CCDC149: variants seen among roughly 807,000 people sequenced by gnomAD.
CCDC149 encodes the protein coiled-coil domain containing 149.
In CCDC149, 45 loss-of-function variants were observed where a neutral mutation model predicts 59.9. That is an observed-to-expected ratio of 0.75 (90% CI 0.59 to 0.96). The LOEUF is 0.96. CCDC149 is among the 40% of genes least tolerant of loss of function. The pLI is 0.00. For synonymous variants in CCDC149, 245 were observed against 260.6 expected (o/e 0.94, Z 0.58); for missense variants, 584 against 664.7 (o/e 0.88, Z 1.33).
chr4:24,926,940 C>G (rs574124058), intron 1 of CCDC149, among the ~76,000 whole-genome samples: 9 of 152,294 alleles, frequency 5.9e-5, no homozygotes, highest in African/African-American at 2.2e-4. Context: ...AGTCACACTC[C>G]TTACAGGCAG....
In CCDC149 at chr4:24,819,821, C is replaced by T. The variant is rs1378988507; in HGVS notation, c.1192+38G>A. On this transcript the variant is annotated intron_variant, in intron 12 of 12. Transcript: ENST00000635206. The stretch of plus-strand genomic sequence containing the variant: ...TTGAGCCACTCCTCTGTGGCAGGCA[C>T]AGTCCAGGTAAAGATGGAGAAATCG... 9.1e-6 allele frequency: 13 copies of T among 1,427,458 alleles called. No individual in the cohort carries two copies. In the East Asian group the frequency reaches 2.2e-4, roughly 24 times the overall value. 88.4% of individuals were successfully genotyped at this position (1,427,458 alleles called of 1,614,324 possible). A position where few individuals can be genotyped will look rare whatever the true frequency, so the allele number is the denominator to read the frequency against.
intron 1 of CCDC149, among the ~76,000 whole-genome samples, chr4:24,963,296 TCCCCAC>T (rs57382370): frequency 0.17 from 26,501 of 151,890 alleles, 3,097 homozygotes; most frequent in African/African-American, 0.32. Flanking sequence ...GATCCTCCAC[TCCCCAC>T]CTGGCCAAAG....
chr4:24,871,592 A>T (rs1422430104), intron 3 of CCDC149, among the ~76,000 whole-genome samples: 1 of 152,174 alleles, frequency 6.6e-6, no homozygotes, highest in African/African-American at 2.4e-5. Context: ...AAAGTTATAT[A>T]TGAAAATAGC....
At chr4:24,934,613 T>C (rs1722687245) in intron 1 of CCDC149, among the ~76,000 whole-genome samples, 1 of 152,152 alleles carries the variant, frequency 6.6e-6, no homozygotes, top group Admixed American at 6.5e-5. Flanking sequence ...TAGTTATCTA[T>C]TACAAAGAGT....
At chr4:24,964,321 G>A (rs905524000) in intron 1 of CCDC149, among the ~76,000 whole-genome samples, 1 of 151,950 alleles carries the variant, frequency 6.6e-6, no homozygotes, top group African/African-American at 2.4e-5. Flanking sequence ...ATGAACCTAG[G>A]AACAGAATTT....
chr4:24,855,710 T>A (rs1026695169), intron 3 of CCDC149, among the ~76,000 whole-genome samples: 3 of 152,198 alleles, frequency 2.0e-5, no homozygotes, highest in Non-Finnish European at 4.4e-5. Flanking sequence ...CAGCCCCCTA[T>A]TTGCAAAGCT....
At chr4:24,877,729 G>A (rs543091360) in intron 1 of CCDC149, among the ~76,000 whole-genome samples, 4 of 152,126 alleles carry the variant, frequency 2.6e-5, no homozygotes, top group Non-Finnish European at 5.9e-5. Flanking sequence ...TCCCAAACAA[G>A]TTGAGTACAC....
At chr4:24,853,029 C>G (rs370806919) in intron 4 of CCDC149, 43 bp downstream of exon 4, 1 of 1,262,060 alleles carries the variant, frequency 7.9e-7, no homozygotes, top group Non-Finnish European at 1.2e-6. Context: ...CTCGAACGCA[C>G]AATGTTGCAG....
intron 1 of CCDC149, among the ~76,000 whole-genome samples, chr4:24,976,790 T>G (rs1724219413): frequency 6.6e-6 from 1 of 152,136 alleles, no homozygotes; most frequent in African/African-American, 2.4e-5. Context: ...TGAAGGATGT[T>G]CCCAGAAGTG....
At chr4:24,910,970 A>G (rs932716482) in intron 1 of CCDC149, among the ~76,000 whole-genome samples, 13 of 152,128 alleles carry the variant, frequency 8.5e-5, no homozygotes, top group African/African-American at 3.1e-4. Context: ...CACCTCCCCC[A>G]TGGCCCCTGG....
chr4:24,888,051 A>G (rs1169846400), intron 1 of CCDC149, among the ~76,000 whole-genome samples: 1 of 152,120 alleles, frequency 6.6e-6, no homozygotes, highest in Admixed American at 6.5e-5. Context: ...AGGCAGAGTG[A>G]GAGCCACGTG....
intron 5 of CCDC149, 42 bp downstream of exon 5, chr4:24,838,114 G>A (rs1716662700): frequency 2.8e-6 from 4 of 1,435,954 alleles, no homozygotes; most frequent in South Asian, 1.1e-5. Context: ...GTGTCCAGCT[G>A]TGCAAATGCA....
chr4:24,950,673 T>G (rs939688547), intron 1 of CCDC149, among the ~76,000 whole-genome samples: 1 of 152,258 alleles, frequency 6.6e-6, no homozygotes, highest in African/African-American at 2.4e-5. Flanking sequence ...TTATCGTACT[T>G]ACCCCTTAGG....
intron 4 of CCDC149, among the ~76,000 whole-genome samples, chr4:24,840,579 C>T (rs950262869): frequency 6.6e-6 from 1 of 152,056 alleles, no homozygotes; most frequent in African/African-American, 2.4e-5. Context: ...AACAAATGTC[C>T]TTTTCATGAT....
chr4:24,803,704 C>T (rs962444935), downstream of CCDC149, among the ~76,000 whole-genome samples: 1 of 152,246 alleles, frequency 6.6e-6, no homozygotes, highest in African/African-American at 2.4e-5. The surrounding 1 kb of genome is among the most constrained non-coding windows in gnomAD (Gnocchi z 4.3). Context: ...TAGGCTACCA[C>T]TGGCCTCTGC....
chr4:24,889,604 C>A (rs1024809302), intron 1 of CCDC149, among the ~76,000 whole-genome samples: 1 of 152,206 alleles, frequency 6.6e-6, no homozygotes, highest in African/African-American at 2.4e-5. Context: ...GCATCACCAA[C>A]CCTCACATAT....
At chr4:24,864,555 A>AC (rs1423883910) in intron 3 of CCDC149, among the ~76,000 whole-genome samples, 2 of 151,458 alleles carry the variant, frequency 1.3e-5, no homozygotes, top group Non-Finnish European at 2.9e-5. Context: ...ATCCTTGAAA[A>AC]CCCCTAGTCT....
chr4:24,899,538 C>T (rs1385824602), intron 1 of CCDC149, among the ~76,000 whole-genome samples: 1 of 152,158 alleles, frequency 6.6e-6, no homozygotes. Context: ...GGAGGCTGGT[C>T]TTAGGCAGCC....
chr4:24,969,177 G>A (rs1723889047), intron 1 of CCDC149, among the ~76,000 whole-genome samples: 1 of 152,228 alleles, frequency 6.6e-6, no homozygotes, highest in South Asian at 2.1e-4. Context: ...CTAAACAGAG[G>A]CAGCTGCCCA....
Sources: gnomAD v4.1 joint callset for allele counts (sites outside exome capture counted in the v4.1 genomes callset) on GRCh38, gnomAD v4.1.1 for gene constraint, Gnocchi (gnomAD v3.1) non-coding constraint, MANE v1.5 for transcripts, NCBI Gene and HGNC (gene_info 2026-07-23, HGNC 2026-07-21) for gene names.